Variants in GNA12 observed in about 807,000 individuals in gnomAD.
The protein encoded by GNA12 is G protein subunit alpha 12, also known as guanine nucleotide-binding protein subunit alpha-12.
Under a neutral mutation model 26.0 loss-of-function variants are expected in GNA12, and 9 were observed. That is an observed-to-expected ratio of 0.35 (90% CI 0.21 to 0.60). The LOEUF (loss-of-function observed/expected upper bound fraction) is 0.60, where lower values mean the gene tolerates loss of function less well. Among genes scored for constraint, GNA12 ranks in the 20% least tolerant of loss-of-function variants. The pLI, the probability that GNA12 is intolerant of heterozygous loss-of-function variation, is 0.78. For synonymous variants in GNA12, 264 were observed against 219.6 expected (o/e 1.20, Z -1.79); for missense variants, 405 against 525.8 (o/e 0.77, Z 2.25).
At chr7:2,801,598 C>T (rs1209444683) in intron 1 of GNA12, among the ~76,000 whole-genome samples, 2 of 152,126 alleles carry the variant, frequency 1.3e-5, no homozygotes, top group Middle Eastern at 3.4e-3. Flanking sequence ...TTTTTCAAAA[C>T]ACAAGAAAGG....
At chr7:2,817,762 G>A (rs887782026) in intron 1 of GNA12, among the ~76,000 whole-genome samples, 1 of 152,182 alleles carries the variant, frequency 6.6e-6, no homozygotes, top group African/African-American at 2.4e-5. Flanking sequence ...CCAGTATTAG[G>A]ACTGGGGAGG....
At chr7:2,788,623 T>C (rs1792426870) in intron 2 of GNA12, among the ~76,000 whole-genome samples, 1 of 152,078 alleles carries the variant, frequency 6.6e-6, no homozygotes, top group African/African-American at 2.4e-5. Flanking sequence ...TCACAGGCCA[T>C]GTTTGGAGGA....
chr7:2,797,920 TG>T (rs1241514147), intron 1 of GNA12, among the ~76,000 whole-genome samples: 1 of 152,100 alleles, frequency 6.6e-6, no homozygotes, highest in Non-Finnish European at 1.5e-5. Context: ...GACAAATGTA[TG>T]GATAAAAAAA....
chr7:2,739,958 T>C (rs941261037), intron 2 of GNA12, among the ~76,000 whole-genome samples: 1 of 152,098 alleles, frequency 6.6e-6, no homozygotes, highest in African/African-American at 2.4e-5. Context: ...CAGGTGTGAG[T>C]CACTGTGCCC....
intron 1 of GNA12, among the ~76,000 whole-genome samples, chr7:2,817,052 A>G (rs1793234084): frequency 6.6e-6 from 1 of 152,202 alleles, no homozygotes. Context: ...CAGTTGGGTC[A>G]GTTCAACTCT....
At chr7:2,827,676 G>A (rs1031115356) in intron 1 of GNA12, among the ~76,000 whole-genome samples, 1 of 152,098 alleles carries the variant, frequency 6.6e-6, no homozygotes, top group African/African-American at 2.4e-5. Flanking sequence ...CTTAGAATAG[G>A]GCAGATGGCA....
intron 2 of GNA12, among the ~76,000 whole-genome samples, chr7:2,743,531 C>T (rs186557379): frequency 1.3e-5 from 2 of 152,104 alleles, no homozygotes; most frequent in African/African-American, 2.4e-5. Context: ...AATAAAGATA[C>T]ACAAAATCTT....
intron 2 of GNA12, among the ~76,000 whole-genome samples, chr7:2,751,016 G>A (rs1038278013): frequency 2.0e-5 from 3 of 152,206 alleles, no homozygotes; most frequent in African/African-American, 7.2e-5. Flanking sequence ...TGAACTTCAA[G>A]ACAATGTTAA....
At chr7:2,788,765 C>T (rs1410429131) in intron 2 of GNA12, among the ~76,000 whole-genome samples, 3 of 152,218 alleles carry the variant, frequency 2.0e-5, no homozygotes, top group African/African-American at 7.2e-5. Flanking sequence ...TATGACCACA[C>T]TGCCTCTCTA....
At chr7:2,744,804 C>T (rs1399439293) in intron 2 of GNA12, among the ~76,000 whole-genome samples, 1 of 152,034 alleles carries the variant, frequency 6.6e-6, no homozygotes, top group Non-Finnish European at 1.5e-5. Context: ...CTAGAATAAC[C>T]AATGCAGAGA....
intron 2 of GNA12, among the ~76,000 whole-genome samples, chr7:2,740,085 AT>A (rs1170578629): frequency 6.6e-6 from 1 of 152,060 alleles, no homozygotes; most frequent in Non-Finnish European, 1.5e-5. Context: ...ATTTATCCAC[AT>A]CCTTGCCAAC....
At chr7:2,766,968 T>A (rs975694720) in intron 2 of GNA12, among the ~76,000 whole-genome samples, 1 of 152,186 alleles carries the variant, frequency 6.6e-6, no homozygotes, top group African/African-American at 2.4e-5. Context: ...TGATTTTGAT[T>A]TGCATTTCTC....
chr7:2,772,412 T>A (rs1198974148), intron 2 of GNA12, among the ~76,000 whole-genome samples: 1 of 152,010 alleles, frequency 6.6e-6, no homozygotes, highest in East Asian at 1.9e-4. Context: ...TGCAAAAAAT[T>A]AGCCGGGCGT....
intron 1 of GNA12, among the ~76,000 whole-genome samples, chr7:2,803,518 T>C (rs1245233857): frequency 6.6e-6 from 1 of 152,066 alleles, no homozygotes; most frequent in Non-Finnish European, 1.5e-5. Context: ...TCACCAAACC[T>C]GCAGAGCACG....
At chr7:2,753,176 A>G (rs1016738075) in intron 2 of GNA12, among the ~76,000 whole-genome samples, 1 of 151,604 alleles carries the variant, frequency 6.6e-6, no homozygotes, top group African/African-American at 2.4e-5. Flanking sequence ...AAAAAAAGAG[A>G]CAGGGTCTTA....
intron 3 of GNA12, among the ~76,000 whole-genome samples, chr7:2,732,147 G>A (rs1789929013): frequency 6.6e-6 from 1 of 152,212 alleles, no homozygotes; most frequent in African/African-American, 2.4e-5. Flanking sequence ...GGTTTTGAAT[G>A]TGATGTAAAT....
At chr7:2,761,004 G>C (rs1334727092) in intron 2 of GNA12, among the ~76,000 whole-genome samples, 1 of 152,160 alleles carries the variant, frequency 6.6e-6, no homozygotes, top group Non-Finnish European at 1.5e-5. Flanking sequence ...ACAGTTCATG[G>C]GTAGTTTTGG....
intron 2 of GNA12, among the ~76,000 whole-genome samples, chr7:2,787,630 G>T (rs960583235): frequency 6.6e-6 from 1 of 152,208 alleles, no homozygotes; most frequent in Non-Finnish European, 1.5e-5. Flanking sequence ...AGACACAGAG[G>T]CTTAAACAAG....
intron 2 of GNA12, among the ~76,000 whole-genome samples, chr7:2,754,894 T>C (rs1791217688): frequency 6.6e-6 from 1 of 152,246 alleles, no homozygotes; most frequent in Non-Finnish European, 1.5e-5. Context: ...TTTCTACTGT[T>C]ATCTTCTCTC....
Sources: allele counts gnomAD v4.1 joint callset (sites outside exome capture counted in the v4.1 genomes callset), GRCh38; gene constraint gnomAD v4.1.1; transcripts MANE v1.5; gene names NCBI Gene and HGNC (gene_info 2026-07-23, HGNC 2026-07-21).